Variants in ATP6V0D1 observed in about 807,000 individuals in gnomAD.
ATP6V0D1 encodes V-type proton ATPase subunit d 1.
ATP6V0D1 carries 13 observed loss-of-function variants against 39.0 expected under a neutral mutation model. The ratio of observed to expected loss-of-function variants is 0.33; its 90% CI spans 0.22 to 0.53. The LOEUF (loss-of-function observed/expected upper bound fraction) is 0.53. Ranked by LOEUF, ATP6V0D1 falls within the 20% of genes least tolerant of loss-of-function variation. The pLI, the probability that ATP6V0D1 is intolerant of heterozygous loss-of-function variation, is 0.94. For synonymous variants in ATP6V0D1, 191 were observed against 191.2 expected (o/e 1.00, Z 0.01); for missense variants, 272 against 470.9 (o/e 0.58, Z 3.91).
chr16:67,457,281 T>C lies in ATP6V0D1; in HGVS notation c.131-3566A>G, dbSNP rs554807667. ...GAAATCAGACAGAACATGAAACCTG[T>C]CCAGAGTCCCAGAGTTGGGGCATAG... is the stretch of plus-strand genomic sequence containing the variant. On this transcript the variant is annotated intron_variant, in intron 1 of 7. Transcript: ENST00000290949. 724 of 288,024 alleles carry C rather than the reference T, an allele frequency of 2.5e-3. 6 individuals carry two copies. Among genetic ancestry groups the C allele is most frequent in the African/African-American group, 0.015 (663 of 45,454 alleles). The allele number at this position is 288,024 out of a possible 1,614,324, so 17.8% of individuals were successfully genotyped here.
At chr16:67,455,198 C>T (rs894926076) in intron 1 of ATP6V0D1, 6 of 152,256 alleles carry the variant, frequency 3.9e-5, no homozygotes, top group Non-Finnish European at 7.3e-5. Context: ...CACACGCTGT[C>T]CTGGCCACGG....
chr16:67,459,349 G>T, intron 1 of ATP6V0D1: 1 of 801,630 alleles, frequency 1.2e-6, no homozygotes, highest in Non-Finnish European at 1.5e-6. Flanking sequence ...GGTTGCCTGT[G>T]TCAAGGACCA....
Position 67,453,836 on chromosome 16 carries a change from C to T in ATP6V0D1, c.131-121G>A, listed in dbSNP as rs181796466. The stretch of plus-strand genomic sequence containing the variant: ...CCTGCAGTTGTGTCCCGCTACTACC[C>T]TGATCTCCATCTCCCTGTTGGCTCA... On this transcript the variant is annotated intron_variant, in intron 1 of 7. Transcript: ENST00000290949. This position sits in a 1 kb window ranked among gnomAD's most constrained non-coding sequence, Gnocchi z 4.1. The T allele has an allele frequency of 2.9e-5, 27 of 916,310 alleles. No homozygotes were observed. The East Asian group carries it at 6.3e-4, about 21-fold the overall frequency. 56.8% of individuals were successfully genotyped at this position (916,310 alleles called of 1,614,324 possible). A position where few individuals can be genotyped will look rare whatever the true frequency, so the allele number is the denominator to read the frequency against.
chr16:67,451,502 G>A (rs533928681), intron 2 of ATP6V0D1, among the ~76,000 whole-genome samples: 21 of 152,320 alleles, frequency 1.4e-4, no homozygotes, highest in African/African-American at 4.6e-4. Flanking sequence ...CAATTTCAGG[G>A]GTGGAGCAGT....
At chr16:67,452,166 G>T in intron 2 of ATP6V0D1, 1 of 1,497,850 alleles carries the variant, frequency 6.7e-7, no homozygotes, top group South Asian at 1.2e-5. Context: ...GCTGCAATGT[G>T]ACCCCTAATG....
At chr16:67,478,103 G>C (rs1003676872) in intron 1 of ATP6V0D1, among the ~76,000 whole-genome samples, 1 of 152,204 alleles carries the variant, frequency 6.6e-6, no homozygotes, top group Non-Finnish European at 1.5e-5. Flanking sequence ...TTTACATGTT[G>C]TAGCTTGTTG....
chr16:67,456,378 G>T lies in ATP6V0D1; in HGVS notation c.131-2663C>A, dbSNP rs1597577021. The T allele has an allele frequency of 6.6e-6, 1 of 152,178 alleles. No individual in the cohort carries two copies. Among genetic ancestry groups the T allele is most frequent in the Non-Finnish European group, 1.5e-5 (1 of 68,044 alleles). The allele number at this position is 152,178 out of a possible 1,614,324, so 9.4% of individuals were successfully genotyped here. Reference sequence around the variant, plus strand: ...ATGTGGTTTTTGTGGATGTGAAATGGTAAGAATATTAACTGGTTCCTCTTA... The same window carrying T: ...ATGTGGTTTTTGTGGATGTGAAATGTTAAGAATATTAACTGGTTCCTCTTA... On this transcript the variant is annotated intron_variant, in intron 1 of 7. Transcript: ENST00000290949. The surrounding 1 kb of genome is among the most constrained non-coding windows in gnomAD (Gnocchi z 4.1).
At chr16:67,450,803 C>T (rs778015108) in intron 2 of ATP6V0D1, among the ~76,000 whole-genome samples, 1 of 152,122 alleles carries the variant, frequency 6.6e-6, no homozygotes, top group Non-Finnish European at 1.5e-5. Flanking sequence ...AATGAGTGGC[C>T]ACTCAGCATC....
intron 2 of ATP6V0D1, among the ~76,000 whole-genome samples, chr16:67,450,275 T>C (rs1027202296): frequency 6.6e-6 from 1 of 152,124 alleles, no homozygotes; most frequent in African/African-American, 2.4e-5. Flanking sequence ...AGGACATGTA[T>C]AGTTCCCTCA....
At chr16:67,439,221 C>A in intron 5 of ATP6V0D1, 53 bp downstream of exon 5, 10 of 1,613,954 alleles carry the variant, frequency 6.2e-6, no homozygotes, top group Non-Finnish European at 8.5e-6. Flanking sequence ...GCAGAGCCTC[C>A]CCAGGCCAGG....
Position 67,450,899 on chromosome 16 carries a change from G to A in ATP6V0D1, c.302+2645C>T, listed in dbSNP as rs1230771121. Among the ~76,000 whole-genome samples, 7 of 152,142 alleles carry A rather than the reference G, an allele frequency of 4.6e-5. No homozygotes were observed. The East Asian group carries it at 7.7e-4, about 17-fold the overall frequency. On this transcript the variant is annotated intron_variant, in intron 2 of 7. Coordinates refer to ENST00000290949, the MANE Select transcript of ATP6V0D1 (RefSeq NM_004691.5). Reference sequence around the variant, plus strand: ...CACTTCTGCCATTGGAATAGGGTTCGGGCGGTGGGGGGCAGAAGCAGCACT... The same window carrying A: ...CACTTCTGCCATTGGAATAGGGTTCAGGCGGTGGGGGGCAGAAGCAGCACT...
chr16:67,442,660 T>C (rs1464399833), intron 4 of ATP6V0D1, among the ~76,000 whole-genome samples: 2 of 151,926 alleles, frequency 1.3e-5, no homozygotes, highest in African/African-American at 4.8e-5. Flanking sequence ...ACGAGGGACA[T>C]GAGGACCTAG....
At chr16:67,474,911 G>A (rs1014425372) in intron 1 of ATP6V0D1, among the ~76,000 whole-genome samples, 2 of 152,044 alleles carry the variant, frequency 1.3e-5, no homozygotes, top group Admixed American at 1.3e-4. Flanking sequence ...TGAGGACATC[G>A]ACCTTGACTT....
At chr16:67,473,919 T>C (rs2041395176) in intron 1 of ATP6V0D1, among the ~76,000 whole-genome samples, 1 of 152,134 alleles carries the variant, frequency 6.6e-6, no homozygotes, top group Non-Finnish European at 1.5e-5. Flanking sequence ...CCTTCTAAAG[T>C]GCTGGGACTA....
At chr16:67,476,117 G>A (rs2041412711) in intron 1 of ATP6V0D1, among the ~76,000 whole-genome samples, 1 of 152,052 alleles carries the variant, frequency 6.6e-6, no homozygotes, top group Non-Finnish European at 1.5e-5. Context: ...AGCTACTCAG[G>A]AGGCTGAGGC....
At chr16:67,466,006 G>A (rs2041326048) in intron 1 of ATP6V0D1, among the ~76,000 whole-genome samples, 1 of 152,110 alleles carries the variant, frequency 6.6e-6, no homozygotes, top group South Asian at 2.1e-4. Context: ...TGGGAGGATG[G>A]CATTGTCCAC....
rs2041086989 is a variant in ATP6V0D1, at chr16:67,444,104, G to A, written c.481+424C>T. 6.6e-6 allele frequency among the ~76,000 whole-genome samples: 1 copy of A among 152,234 alleles called. No individual in the cohort carries two copies. Among genetic ancestry groups the A allele is most frequent in the South Asian group, 2.1e-4 (1 of 4,834 alleles). ...CAGGGGACCTGCTCGGTGGAGGGAA[G>A]TGGCAGTGTTTGCTTCGCTCCTTGC... On this transcript the variant is annotated intron_variant, in intron 3 of 7. Transcript: ENST00000290949. The surrounding 1 kb of genome is among the most constrained non-coding windows in gnomAD (Gnocchi z 4.8).
In ATP6V0D1 at chr16:67,453,562, C is replaced by T; in HGVS notation, c.284G>A (p.Ser95Asn). 1 of 1,614,204 alleles carries T rather than the reference C, an allele frequency of 6.2e-7. No homozygotes were observed. Among genetic ancestry groups the T allele is most frequent in the South Asian group, 1.1e-5 (1 of 91,086 alleles). ...CACTCACGTAATGAAGTCTAGGAAG[C>T]TGGCGAGTGGCTCATAGGCATGGTT... ...MRNHAYEPLASFLDFITYSYM... is the reference protein window; with the variant it reads ...MRNHAYEPLANFLDFITYSYM... Residue 95 changes from serine to asparagine, a missense_variant, in exon 2 of 8, where the codon AGC (serine) becomes AAC (asparagine). Physicochemically the swap from Ser to Asn is conservative, Grantham distance 46. Transcript: ENST00000290949. This position sits in a 1 kb window ranked among gnomAD's most constrained non-coding sequence, Gnocchi z 4.1.
intron 1 of ATP6V0D1, among the ~76,000 whole-genome samples, chr16:67,466,606 T>C (rs2041332977): frequency 6.6e-6 from 1 of 151,570 alleles, no homozygotes; most frequent in Non-Finnish European, 1.5e-5. Context: ...AGGCCGAGGC[T>C]GAAAGATGAC....
Sources: gnomAD v4.1 joint callset for allele counts (sites outside exome capture counted in the v4.1 genomes callset) on GRCh38, gnomAD v4.1.1 for gene constraint, Gnocchi (gnomAD v3.1) non-coding constraint, MANE v1.5 for transcripts, NCBI Gene and HGNC (gene_info 2026-07-23, HGNC 2026-07-21) for gene names.